GSAP: variants seen among roughly 807,000 people sequenced by gnomAD.
GSAP encodes gamma-secretase-activating protein.
A neutral mutation model predicts 131.7 loss-of-function variants in GSAP; 118 were observed. That is an observed-to-expected ratio of 0.90 (90% CI 0.77 to 1.04). GSAP has a LOEUF of 1.04. Among genes scored for constraint, GSAP ranks in the 50% least tolerant of loss-of-function variants. The pLI, the probability that GSAP is intolerant of heterozygous loss-of-function variation, is 0.00. For missense variants in GSAP, 1,019 were observed against 1,013.2 expected, an observed-to-expected ratio of 1.01 and a Z score of -0.08; for synonymous variants, 381 against 363.4, an observed-to-expected ratio of 1.05 and a Z score of -0.55.
intron 12 of GSAP, among the ~76,000 whole-genome samples, chr7:77,366,877 T>G (rs1795400508): frequency 6.6e-6 from 1 of 152,238 alleles, no homozygotes; most frequent in Admixed American, 6.5e-5. Flanking sequence ...TCCATTTCTT[T>G]GTAACTTCTG....
At chr7:77,394,111 C>T (rs1001918534) in intron 5 of GSAP, among the ~76,000 whole-genome samples, 4 of 152,360 alleles carry the variant, frequency 2.6e-5, no homozygotes, top group African/African-American at 7.2e-5. Context: ...TTCCACGCAG[C>T]AGCTACAGCA....
intron 19 of GSAP, among the ~76,000 whole-genome samples, chr7:77,347,339 G>C (rs922568605): frequency 6.6e-6 from 1 of 152,246 alleles, no homozygotes; most frequent in East Asian, 1.9e-4. Flanking sequence ...CTGTTATCTG[G>C]GGGTGTGGAG....
intron 12 of GSAP, among the ~76,000 whole-genome samples, chr7:77,362,890 T>C (rs1190665043): frequency 2.0e-5 from 3 of 152,184 alleles, no homozygotes; most frequent in Non-Finnish European, 4.4e-5. Flanking sequence ...TATTGAAGGA[T>C]AGGAAAATGA....
At chr7:77,378,184 T>C (rs1032177619) in intron 8 of GSAP, among the ~76,000 whole-genome samples, 1 of 152,210 alleles carries the variant, frequency 6.6e-6, no homozygotes, top group Non-Finnish European at 1.5e-5. Flanking sequence ...AATGTTTGTT[T>C]GGAAGGCGGA....
intron 12 of GSAP, among the ~76,000 whole-genome samples, chr7:77,372,029 G>T (rs936225951): frequency 6.6e-6 from 1 of 152,202 alleles, no homozygotes; most frequent in African/African-American, 2.4e-5. Flanking sequence ...CTCCTGATCT[G>T]ATACAAATGA....
intron 30 of GSAP, 51 bp from the exon 31 acceptor site, chr7:77,311,500 G>A: frequency 1.1e-6 from 1 of 901,914 alleles, no homozygotes; most frequent in Non-Finnish European, 1.8e-6. Context: ...ATGGGTCCGT[G>A]AAACATTTAT....
At chr7:77,400,653 T>C (rs1044335061) in intron 3 of GSAP, among the ~76,000 whole-genome samples, 12 of 152,122 alleles carry the variant, frequency 7.9e-5, no homozygotes, top group Non-Finnish European at 1.8e-4. Context: ...TTAAAAAACA[T>C]CCAGAGTTTC....
At chr7:77,324,675 T>C (rs1788085232) in intron 23 of GSAP, among the ~76,000 whole-genome samples, 1 of 152,148 alleles carries the variant, frequency 6.6e-6, no homozygotes, top group African/African-American at 2.4e-5. Flanking sequence ...ACATAGTGCA[T>C]ACTTCTTTGT....
intron 5 of GSAP, among the ~76,000 whole-genome samples, chr7:77,394,265 C>G (rs920861325): frequency 4.6e-5 from 7 of 152,074 alleles, no homozygotes; most frequent in Non-Finnish European, 1.0e-4. Flanking sequence ...TTTCCTTTGC[C>G]CTCAGTTCCT....
At chr7:77,350,140 G>C (rs1042289216) in intron 18 of GSAP, among the ~76,000 whole-genome samples, 9 of 151,410 alleles carry the variant, frequency 5.9e-5, no homozygotes, top group Non-Finnish European at 1.0e-4. Context: ...GGATGAAATT[G>C]GAAATCATCA....
intron 2 of GSAP, among the ~76,000 whole-genome samples, chr7:77,405,142 T>C (rs1049960993): frequency 1.3e-5 from 2 of 152,236 alleles, no homozygotes; most frequent in Non-Finnish European, 2.9e-5. Context: ...TGAAAACACA[T>C]TGTTAAATAA....
At chr7:77,374,194 A>G in intron 11 of GSAP, 39 bp from the exon 12 acceptor site, 2 of 981,334 alleles carry the variant, frequency 2.0e-6, no homozygotes, top group Non-Finnish European at 3.2e-6. Flanking sequence ...GAATGCATTT[A>G]AAAATACATC....
chr7:77,386,042 G>A (rs901542859), intron 6 of GSAP, among the ~76,000 whole-genome samples: 1 of 138,148 alleles, frequency 7.2e-6, no homozygotes, highest in Non-Finnish European at 1.5e-5. Context: ...ACTGAATACT[G>A]AACCATTGTT....
chr7:77,326,487 C>T, intron 22 of GSAP: 1 of 471,892 alleles, frequency 2.1e-6, no homozygotes, highest in South Asian at 3.6e-5. Flanking sequence ...AAGAAACCAA[C>T]ACATTCCTCA....
At chr7:77,340,735 G>A (rs1790789200) in intron 19 of GSAP, among the ~76,000 whole-genome samples, 1 of 152,122 alleles carries the variant, frequency 6.6e-6, no homozygotes, top group South Asian at 2.1e-4. Flanking sequence ...ACACTCCATT[G>A]GTGTCTGATC....
chr7:77,385,322 C>T (rs371336421), intron 6 of GSAP, among the ~76,000 whole-genome samples: 1 of 152,208 alleles, frequency 6.6e-6, no homozygotes, highest in East Asian at 1.9e-4. Context: ...GCATGAGCCA[C>T]TGCGCCCAGC....
chr7:77,358,332 T>C (rs1203737481), intron 14 of GSAP, among the ~76,000 whole-genome samples: 1 of 152,154 alleles, frequency 6.6e-6, no homozygotes, highest in Non-Finnish European at 1.5e-5. Context: ...CAGAGCAAGA[T>C]CCTGTCTCAA....
intron 19 of GSAP, among the ~76,000 whole-genome samples, chr7:77,332,983 A>G (rs1248117144): frequency 6.6e-6 from 1 of 152,196 alleles, no homozygotes; most frequent in East Asian, 1.9e-4. Context: ...CCTGGCCAAC[A>G]TGATGAAACC....
At chr7:77,346,287 A>G (rs564568645) in intron 19 of GSAP, among the ~76,000 whole-genome samples, 291 of 150,368 alleles carry the variant, frequency 1.9e-3, no homozygotes, top group Non-Finnish European at 3.3e-3. Flanking sequence ...AAAAAAAAAA[A>G]AAAGAAAGAA....
Sources: allele counts gnomAD v4.1 joint callset (sites outside exome capture counted in the v4.1 genomes callset), GRCh38; gene constraint gnomAD v4.1.1; transcripts MANE v1.5; gene names NCBI Gene and HGNC (gene_info 2026-07-23, HGNC 2026-07-21).